The following SETD5 variants were observed in gnomAD, a reference collection of about 807,000 sequenced individuals.
The protein encoded by SETD5 is histone-lysine N-methyltransferase SETD5.
SETD5 carries 44 observed loss-of-function variants against 153.3 expected under a neutral mutation model. That is an observed-to-expected ratio of 0.29 (90% confidence interval 0.23 to 0.37). The LOEUF is 0.37. Ranked by LOEUF, SETD5 falls within the 10% of genes least tolerant of loss-of-function variation. The probability of loss-of-function intolerance (pLI) is 1.00; values close to 1 mark genes in which losing one functional copy is unlikely to be tolerated. For missense variants in SETD5, 1,544 were observed against 1,768.0 expected, an observed-to-expected ratio of 0.87 and a Z score of 2.27; for synonymous variants, 716 against 645.2, an observed-to-expected ratio of 1.11 and a Z score of -1.66.
chr3:9,406,607 C>CAAA (rs746999028), intron 1 of SETD5, among the ~76,000 whole-genome samples: 16 of 99,264 alleles, frequency 1.6e-4, no homozygotes, highest in African/African-American at 4.3e-4. Flanking sequence ...GACTCTGTCT[C>CAAA]AAAAAAAAAA....
Position 9,428,910 on chromosome 3 carries a change from GA to G in SETD5, c.-28del, listed in dbSNP as rs777153460. 11 of 1,596,068 alleles carry G rather than the reference GA, an allele frequency of 6.9e-6. No homozygotes were observed. Among genetic ancestry groups the G allele is most frequent in the Non-Finnish European group, 8.6e-6 (10 of 1,166,462 alleles). ...TCAGTCTCCATTAATTGGACCCCGTGATTTCCAATCTCTGCTGTGTTGGACG... is the reference window on the plus strand; with the variant it reads ...TCAGTCTCCATTAATTGGACCCCGTGTTTCCAATCTCTGCTGTGTTGGACG... On this transcript the variant is annotated 5_prime_UTR_variant, in exon 3 of 23. It removes the in-frame stop codon of an upstream open reading frame in the 5' UTR. Transcript: ENST00000402198.
Position 9,445,146 on chromosome 3 carries a change from C to T in SETD5, c.1286C>T (p.Pro429Leu), listed in dbSNP as rs184437226. 2 of 1,613,986 alleles carry T rather than the reference C, an allele frequency of 1.2e-6. No individual in the cohort carries two copies. The highest frequency in any genetic ancestry group is 1.3e-5 in the African/African-American group (1 of 75,038). Residue 429 changes from proline (P) to leucine (L), a missense_variant, in exon 12 of 23, where the codon CCT (proline) becomes CTT (leucine). Coordinates refer to ENST00000402198, the MANE Select transcript of SETD5 (RefSeq NM_001080517.3). Reference sequence around the variant, plus strand: ...ACAGAACTGCCACTCCTACCACCTCCTCCAAGCCTACCCACCATTGGAGCA... The same window carrying T: ...ACAGAACTGCCACTCCTACCACCTCTTCCAAGCCTACCCACCATTGGAGCA... ...NATELPLLPP[P>L]PSLPTIGAET...
intron 12 of SETD5, 87 bp downstream of exon 12, chr3:9,445,387 G>T (rs758019101): frequency 9.3e-6 from 13 of 1,404,948 alleles, no homozygotes; most frequent in Middle Eastern, 1.8e-4. Flanking sequence ...TTAAGTAGGG[G>T]AGCTATAGTA....
Position 9,440,716 on chromosome 3 carries a change from G to A in SETD5, c.810+18G>A. On this transcript the variant is annotated intron_variant, in intron 8 of 22. Coordinates refer to ENST00000402198, the MANE Select transcript of SETD5 (RefSeq NM_001080517.3). ...AAATGCAGGTAAGCACCAAAGGGTT[G>A]AGGACTCTCTAAGTAGCTGAAATTT... 6.2e-7 allele frequency: 1 copy of A among 1,608,796 alleles called. No individual in the cohort carries two copies. Among genetic ancestry groups the A allele is most frequent in the Non-Finnish European group, 8.5e-7 (1 of 1,177,552 alleles).
rs368203003 is a variant in SETD5 at position 9,438,526 on chromosome 3, GA to G, written c.568-1921del. Among the ~76,000 whole-genome samples the G allele has an allele frequency of 1.4e-3, 207 of 150,874 alleles. 5 individuals are homozygous for G. In the East Asian group the frequency reaches 0.025, roughly 18 times the overall value. On this transcript the variant is annotated intron_variant, in intron 7 of 22. Transcript: ENST00000402198. Reference sequence around the variant, plus strand: ...AGCCTCACAGGTGTGTTAAAATTTAGAAAAAAAAATTACTAGTCATTTTGAT... The same window carrying G: ...AGCCTCACAGGTGTGTTAAAATTTAGAAAAAAAATTACTAGTCATTTTGAT...
In SETD5 at chr3:9,401,349, G is replaced by T. The variant is rs565721462; in HGVS notation, c.-177+3372G>T. Among the ~76,000 whole-genome samples, 4 of 152,202 alleles carry T rather than the reference G, an allele frequency of 2.6e-5. No individual in the cohort carries two copies. The South Asian group carries it at 8.3e-4, about 32-fold the overall frequency. ...GCTTAAGTTGCTATATAAAATAATT[G>T]CTTTTACACTCGAATTTCCTGTTGT... On this transcript the variant is annotated intron_variant, in intron 1 of 22. Transcript: ENST00000402198.
At chr3:9,458,429 C>G (rs993500300) in intron 17 of SETD5, among the ~76,000 whole-genome samples, 1 of 152,082 alleles carries the variant, frequency 6.6e-6, no homozygotes, top group Non-Finnish European at 1.5e-5. Context: ...CCAGCCTGGG[C>G]AGCAGAGAGA....
intron 14 of SETD5, 45 bp downstream of exon 14, chr3:9,447,352 C>T (rs2042137684): frequency 1.0e-5 from 16 of 1,571,162 alleles, no homozygotes; most frequent in Non-Finnish European, 1.2e-5. Context: ...CTCACCTTTG[C>T]TAATGTCAAT....
intron 17 of SETD5, among the ~76,000 whole-genome samples, chr3:9,458,398 C>T (rs1228634822): frequency 3.3e-5 from 5 of 152,110 alleles, no homozygotes; most frequent in Non-Finnish European, 5.9e-5. Flanking sequence ...AGAAGGATCA[C>T]TTGAGGCCAG....
intron 18 of SETD5, among the ~76,000 whole-genome samples, chr3:9,466,287 C>CAAAAAAAAAAA (rs146498301): frequency 9.5e-5 from 6 of 63,264 alleles, no homozygotes; most frequent in Non-Finnish European, 2.0e-4. Context: ...GACTCCGTCT[C>CAAAAAAAAAAA]AAAAAAAAAA....
At chr3:9,409,481 C>A (rs2036225253) in intron 1 of SETD5, among the ~76,000 whole-genome samples, 2 of 152,008 alleles carry the variant, frequency 1.3e-5, no homozygotes, top group Admixed American at 6.6e-5. Context: ...TCAGGTTGTC[C>A]TACCTTTGTC....
chr3:9,432,783 A>G (rs1010870538), intron 3 of SETD5, among the ~76,000 whole-genome samples: 1 of 152,246 alleles, frequency 6.6e-6, no homozygotes, highest in Non-Finnish European at 1.5e-5. Flanking sequence ...TAATTCTACA[A>G]TAATACATTG....
At chr3:9,409,587 C>T (rs1416756076) in intron 1 of SETD5, among the ~76,000 whole-genome samples, 2 of 152,024 alleles carry the variant, frequency 1.3e-5, no homozygotes, top group Admixed American at 6.5e-5. Flanking sequence ...TAATTTTGTA[C>T]ATTTTTTGCC....
chr3:9,440,296 A>G (rs971427391), intron 7 of SETD5, among the ~76,000 whole-genome samples, 160 bp from the exon 8 acceptor site: 7 of 152,240 alleles, frequency 4.6e-5, no homozygotes, highest in African/African-American at 1.7e-4. Context: ...CAAAAGCATG[A>G]TAGAAACCAG....
At chr3:9,444,068 A>C (rs140802003) in intron 11 of SETD5, among the ~76,000 whole-genome samples, 3 of 152,192 alleles carry the variant, frequency 2.0e-5, no homozygotes, top group Admixed American at 2.0e-4. Flanking sequence ...CTTAAAAAAA[A>C]AGAGAGAGAA....
At chr3:9,432,567 T>C (rs1396837399) in intron 3 of SETD5, among the ~76,000 whole-genome samples, 1 of 152,348 alleles carries the variant, frequency 6.6e-6, no homozygotes, top group South Asian at 2.1e-4. Flanking sequence ...GTGTTCTAAT[T>C]AATATAAATT....
At chr3:9,437,242 C>T (rs1207478322) in intron 7 of SETD5, among the ~76,000 whole-genome samples, 1 of 152,116 alleles carries the variant, frequency 6.6e-6, no homozygotes, top group Non-Finnish European at 1.5e-5. Context: ...ATCTCTTGTG[C>T]ATCTACCCTA....
In SETD5 at chr3:9,440,749, C is replaced by T; in HGVS notation, c.810+51C>T. The stretch of plus-strand genomic sequence containing the variant: ...TCTAAGTAGCTGAAATTTTAAGAAC[C>T]CAGGAAGAGGGTAATGGATTGGAAT... On this transcript the variant is annotated intron_variant, in intron 8 of 22. Transcript: ENST00000402198. 3.8e-6 allele frequency: 6 copies of T among 1,571,216 alleles called. No individual in the cohort carries two copies. The South Asian group carries it at 7.1e-5, about 19-fold the overall frequency.
At position 9,451,889 on chromosome 3, in the gene SETD5, G is replaced by A. The variant is rs2042665550; in HGVS notation, c.2347-1850G>A. Among the ~76,000 whole-genome samples the A allele has an allele frequency of 3.9e-5, 6 of 152,204 alleles. No homozygotes were observed. The South Asian group carries it at 1.2e-3, about 32-fold the overall frequency. Reference sequence around the variant, plus strand: ...CTCCTTTGCAATATATTTTAATAGAGGTTCAGAGAAGGGAGAAATGTTCTT... The same window carrying A: ...CTCCTTTGCAATATATTTTAATAGAAGTTCAGAGAAGGGAGAAATGTTCTT... On this transcript the variant is annotated intron_variant, in intron 16 of 22. Coordinates refer to ENST00000402198, the MANE Select transcript of SETD5 (RefSeq NM_001080517.3).
Sources: gnomAD v4.1 joint callset for allele counts (sites outside exome capture counted in the v4.1 genomes callset) on GRCh38, gnomAD v4.1.1 for gene constraint, MANE v1.5 for transcripts, NCBI Gene and HGNC (gene_info 2026-07-23, HGNC 2026-07-21) for gene names.